Variants in EIF5 observed in about 807,000 individuals in gnomAD.
The protein encoded by EIF5 is eukaryotic translation initiation factor 5.
A neutral mutation model predicts 48.3 loss-of-function variants in EIF5; 10 were observed. That is an observed-to-expected ratio of 0.21 (90% CI 0.13 to 0.35). The LOEUF (loss-of-function observed/expected upper bound fraction) is 0.35. Among genes scored for constraint, EIF5 ranks in the 10% least tolerant of loss-of-function variants. EIF5 has a pLI of 1.00. For missense variants in EIF5, 397 were observed against 533.2 expected (o/e 0.74, Z 2.51); for synonymous variants, 237 against 173.1 (o/e 1.37, Z -2.90).
rs1056245086 is a variant in EIF5, at chr14:103,343,271, G to T, written c.*2219G>T. ...GTTTTGTAGCCGTTGCTTTGGATTT[G>T]TGTTGGATGTATCCTGCAGTTACAC... On this transcript the variant is annotated 3_prime_UTR_variant, in exon 12 of 12. Coordinates refer to ENST00000216554, the MANE Select transcript of EIF5 (RefSeq NM_001969.5). 1 of 152,234 alleles carries T rather than the reference G, an allele frequency of 6.6e-6. No homozygotes were observed. Among genetic ancestry groups the T allele is most frequent in the Non-Finnish European group, 1.5e-5 (1 of 68,034 alleles). 9.4% of individuals were successfully genotyped at this position (152,234 alleles called of 1,614,324 possible).
At chr14:103,335,617 G>A (rs1459630292) in intron 2 of EIF5, 36 bp from the exon 3 acceptor site, 2 of 553,874 alleles carry the variant, frequency 3.6e-6, no homozygotes, top group South Asian at 2.3e-5. Context: ...TTAAACCTGG[G>A]GGGATTTTTG....
chr14:103,335,464 G>A (rs774291230), intron 2 of EIF5, 189 bp from the exon 3 acceptor site: 16 of 189,130 alleles, frequency 8.5e-5, no homozygotes, highest in Non-Finnish European at 1.7e-4. Context: ...TAGTCGAAAT[G>A]GAGGCCTTTT....
Position 103,335,924 on chromosome 14 carries a change from A to G in EIF5, c.64A>G (p.Ile22Val), listed in dbSNP as rs1476520888. Residue 22 changes from isoleucine (I) to valine (V), a missense_variant, in exon 3 of 12, where the codon ATT becomes GTT. Physicochemically the swap from Ile to Val is conservative, Grantham distance 29 (BLOSUM62 3). Transcript: ENST00000216554. ...QFYRYKMPRL[I>V]AKVEGKGNGI... ...CTATCGCTACAAGATGCCCCGTCTG[A>G]TTGCCAAGGTAATAAACTGCTCTTC... 6.2e-7 allele frequency: 1 copy of G among 1,614,198 alleles called. No individual in the cohort carries two copies. Among genetic ancestry groups the G allele is most frequent in the Non-Finnish European group, 8.5e-7 (1 of 1,180,024 alleles).
intron 6 of EIF5, 56 bp downstream of exon 6, chr14:103,337,283 A>G (rs2089298298): frequency 5.6e-6 from 8 of 1,437,856 alleles, no homozygotes; most frequent in Non-Finnish European, 7.7e-6. Context: ...AACTGTTGGG[A>G]ACAAAATAGA....
At chr14:103,336,649 G>A (rs759818442) in intron 4 of EIF5, 28 bp from the exon 5 acceptor site, 5 of 1,580,112 alleles carry the variant, frequency 3.2e-6, no homozygotes, top group South Asian at 2.3e-5. Flanking sequence ...TAACTGTAAC[G>A]ATCCAAACTC....
chr14:103,337,069 A>G (rs2089295357), intron 5 of EIF5, 47 bp from the exon 6 acceptor site: 6 of 1,548,220 alleles, frequency 3.9e-6, no homozygotes, highest in South Asian at 2.4e-5. Context: ...CTCTGATTAG[A>G]TATTTTCATG....
rs1566725153 is a variant in EIF5, at chr14:103,343,751, C to T, written c.*2699C>T. On this transcript the variant is annotated 3_prime_UTR_variant, in exon 12 of 12. Transcript: ENST00000216554. ...GTTTGAACCTTTTGCATTTTGTTAGCTCAGTCAGTCCTCATCGTGGTCCTG... is the reference window on the plus strand; with the variant it reads ...GTTTGAACCTTTTGCATTTTGTTAGTTCAGTCAGTCCTCATCGTGGTCCTG... 1 of 152,196 alleles carries T rather than the reference C, an allele frequency of 6.6e-6. No homozygotes were observed. The highest frequency in any genetic ancestry group is 2.4e-5 in the African/African-American group (1 of 41,442). 9.4% of individuals were successfully genotyped at this position (152,196 alleles called of 1,614,324 possible). A position where few individuals can be genotyped will look rare whatever the true frequency, so the allele number is the denominator to read the frequency against.
At chr14:103,339,904 G>GC in intron 10 of EIF5, 101 bp downstream of exon 10, 1 of 1,347,634 alleles carries the variant, frequency 7.4e-7, no homozygotes, top group South Asian at 1.5e-5. Context: ...TGTTGTCCAG[G>GC]CAGGAGTACA....
chr14:103,340,393 C>T (rs776453427), intron 10 of EIF5, 34 bp from the exon 11 acceptor site: 34 of 1,579,348 alleles, frequency 2.2e-5, no homozygotes, highest in Non-Finnish European at 2.7e-5. Flanking sequence ...TGTTAAAATT[C>T]CTCAACTAAG....
chr14:103,343,660 CTT>C lies in EIF5; in HGVS notation c.*2610_*2611del, dbSNP rs2089379517. 1.3e-5 allele frequency: 2 copies of C among 152,306 alleles called. No individual in the cohort carries two copies. Among genetic ancestry groups the C allele is most frequent in the Admixed American group, 1.3e-4 (2 of 15,302 alleles). The allele number at this position is 152,306 out of a possible 1,614,324, so 9.4% of individuals were successfully genotyped here. On this transcript the variant is annotated 3_prime_UTR_variant, in exon 12 of 12. Coordinates refer to ENST00000216554, the MANE Select transcript of EIF5 (RefSeq NM_001969.5). ...TTTGTTCCAGTGTACCAAGCACTGA[CTT>C]TATGCCTTTGGCCTGGAGATGGCAG... is the stretch of plus-strand genomic sequence containing the variant.
chr14:103,343,881 ATTTTC>A lies in EIF5; in HGVS notation c.*2832_*2836del, dbSNP rs992145942. The A allele has an allele frequency of 2.0e-5, 3 of 152,156 alleles. No individual in the cohort carries two copies. Among genetic ancestry groups the A allele is most frequent in the African/African-American group, 7.2e-5 (3 of 41,436 alleles). The allele number at this position is 152,156 out of a possible 1,614,324, so 9.4% of individuals were successfully genotyped here. ...GCAGACAATCCTTATCTAACCAGCT[ATTTTC>A]TTAATTGCTACAGCTTGACCTACCA... On this transcript the variant is annotated 3_prime_UTR_variant, in exon 12 of 12. Transcript: ENST00000216554.
In EIF5 at chr14:103,342,770, CA is replaced by C. The variant is rs539038657; in HGVS notation, c.*1721del. The C allele has an allele frequency of 2.0e-5, 3 of 152,516 alleles. No homozygotes were observed. The East Asian group carries it at 5.8e-4, about 29-fold the overall frequency. 9.4% of individuals were successfully genotyped at this position (152,516 alleles called of 1,614,324 possible). On this transcript the variant is annotated 3_prime_UTR_variant, in exon 12 of 12. Coordinates refer to ENST00000216554, the MANE Select transcript of EIF5 (RefSeq NM_001969.5). ...CTGGAGGGAATGTGCTTTGTCACACCAAAGAGGATTTTTTTTTCTTCAAACT... is the reference window on the plus strand; with the variant it reads ...CTGGAGGGAATGTGCTTTGTCACACCAAGAGGATTTTTTTTTCTTCAAACT...
intron 10 of EIF5, 88 bp from the exon 11 acceptor site, chr14:103,340,339 G>C: frequency 7.0e-7 from 1 of 1,423,522 alleles, no homozygotes. Flanking sequence ...TTAGGACCCA[G>C]TCCCCTCAGC....
chr14:103,340,953 C>A lies in EIF5; in HGVS notation c.1207-10C>A. ...CAGCTTATGTTGAATAAAATCATTC[C>A]TCTTAACAGGTGGTGTATTCGAAGG... On this transcript the variant is annotated splice_polypyrimidine_tract_variant and intron_variant, in intron 11 of 11. Transcript: ENST00000216554. 6.2e-7 allele frequency: 1 copy of A among 1,612,332 alleles called. No individual in the cohort carries two copies. Among genetic ancestry groups the A allele is most frequent in the Non-Finnish European group, 8.5e-7 (1 of 1,178,454 alleles).
At chr14:103,340,665 A>T (rs774609557) in intron 11 of EIF5, 104 bp downstream of exon 11, 1 of 1,456,102 alleles carries the variant, frequency 6.9e-7, no homozygotes, top group African/African-American at 1.4e-5. Flanking sequence ...GGGTAATTTC[A>T]GGTTTAGAAT....
Position 103,340,665 on chromosome 14 carries a change from A to C in EIF5, c.1206+104A>C, listed in dbSNP as rs774609557. ...TATAATGGCAGTTTGGGGTAATTTC[A>C]GGTTTAGAATTTAAGATGCAGTAAA... On this transcript the variant is annotated intron_variant, in intron 11 of 11. Coordinates refer to ENST00000216554, the MANE Select transcript of EIF5 (RefSeq NM_001969.5). The C allele has an allele frequency of 6.0e-5, 87 of 1,456,102 alleles. 1 individual carries two copies. Among genetic ancestry groups the C allele is most frequent in the Non-Finnish European group, 7.9e-5 (85 of 1,080,456 alleles). The allele number at this position is 1,456,102 out of a possible 1,614,324, so 90.2% of individuals were successfully genotyped here. A position where few individuals can be genotyped will look rare whatever the true frequency, so the allele number is the denominator to read the frequency against.
At position 103,334,583 on chromosome 14, in the gene EIF5, T is replaced by C. The variant is rs2089259290; in HGVS notation, c.-223T>C. 6.6e-6 allele frequency: 1 copy of C among 151,932 alleles called. No individual in the cohort carries two copies. Among genetic ancestry groups the C allele is most frequent in the African/African-American group, 2.4e-5 (1 of 41,282 alleles). The allele number at this position is 151,932 out of a possible 1,614,324, so 9.4% of individuals were successfully genotyped here. A position where few individuals can be genotyped will look rare whatever the true frequency, so the allele number is the denominator to read the frequency against. On this transcript the variant is annotated 5_prime_UTR_variant, in exon 2 of 12. Transcript: ENST00000216554. ...GCGAGCAGCGTTGGGTTTATGTCTT[T>C]ATTTGACGAAAACGGTGAGTCGCGG... is the stretch of plus-strand genomic sequence containing the variant.
At position 103,335,284 on chromosome 14, in the gene EIF5, C is replaced by T. The variant is rs568915976; in HGVS notation, c.-208-369C>T. On this transcript the variant is annotated intron_variant, in intron 2 of 11. Coordinates refer to ENST00000216554, the MANE Select transcript of EIF5 (RefSeq NM_001969.5). ...AACGGGGGTGTGCCTGAGAAGTTTG[C>T]TTATCCAGGCGGGGTGGGCGGCGGA... 27 of 155,042 alleles carry T rather than the reference C, an allele frequency of 1.7e-4. No homozygotes were observed. In the South Asian group the frequency reaches 4.5e-3, roughly 26 times the overall value. 9.6% of individuals were successfully genotyped at this position (155,042 alleles called of 1,614,324 possible). A position where few individuals can be genotyped will look rare whatever the true frequency, so the allele number is the denominator to read the frequency against.
At chr14:103,337,726 C>G in intron 6 of EIF5, 1 of 416,472 alleles carries the variant, frequency 2.4e-6, no homozygotes, top group Non-Finnish European at 4.7e-6. Context: ...TGTGCCATAT[C>G]AATTAAGACA....
Sources: gnomAD v4.1 joint callset for allele counts on GRCh38, gnomAD v4.1.1 for gene constraint, MANE v1.5 for transcripts, NCBI Gene and HGNC (gene_info 2026-07-23, HGNC 2026-07-21) for gene names.